DGKB: variants seen among roughly 807,000 people sequenced by gnomAD.
DGKB encodes the protein 90 kDa diacylglycerol kinase.
DGKB carries 67 observed loss-of-function variants against 114.3 expected under a neutral mutation model. That is an observed-to-expected ratio of 0.59 (90% CI 0.48 to 0.72). The LOEUF is 0.72. Ranked by LOEUF, DGKB falls within the 30% of genes least tolerant of loss-of-function variation. The probability of loss-of-function intolerance (pLI) is 0.00; values close to 1 mark genes in which losing one functional copy is unlikely to be tolerated. For synonymous variants in DGKB, 398 were observed against 323.1 expected, an observed-to-expected ratio of 1.23 and a Z score of -2.49; for missense variants, 907 against 975.2, an observed-to-expected ratio of 0.93 and a Z score of 0.93.
At chr7:14,784,350 T>A (rs1407477669) in intron 2 of DGKB, among the ~76,000 whole-genome samples, 1 of 151,218 alleles carries the variant, frequency 6.6e-6, no homozygotes, top group African/African-American at 2.4e-5. Flanking sequence ...ATGTTCACCA[T>A]CCGTCCAAAT....
intron 2 of DGKB, among the ~76,000 whole-genome samples, chr7:14,773,913 G>C (rs1358818559): frequency 7.0e-6 from 1 of 142,698 alleles, no homozygotes; most frequent in Non-Finnish European, 1.5e-5. Flanking sequence ...GTAGTCTCTC[G>C]GCAAAGGGGG....
chr7:14,511,205 C>T (rs1278957412), intron 20 of DGKB, among the ~76,000 whole-genome samples: 1 of 152,204 alleles, frequency 6.6e-6, no homozygotes, highest in African/African-American at 2.4e-5. Flanking sequence ...TCCTAGATAG[C>T]ATCTTCTTCA....
At chr7:14,610,403 A>G (rs1425836416) in intron 16 of DGKB, among the ~76,000 whole-genome samples, 1 of 152,034 alleles carries the variant, frequency 6.6e-6, no homozygotes, top group Non-Finnish European at 1.5e-5. Context: ...GTGGAGGAAG[A>G]TATGAAAAAA....
At chr7:14,801,117 T>G (rs893856080) in intron 2 of DGKB, among the ~76,000 whole-genome samples, 1 of 152,306 alleles carries the variant, frequency 6.6e-6, no homozygotes, top group South Asian at 2.1e-4. Context: ...TTCCCTTTTT[T>G]ATTCCCTTAT....
intron 21 of DGKB, among the ~76,000 whole-genome samples, chr7:14,466,347 AAGAGATCG>A (rs564583065): frequency 2.6e-4 from 39 of 152,304 alleles, no homozygotes; most frequent in African/African-American, 8.7e-4. Context: ...TCACGAGGTC[AAGAGATCG>A]AGACAATCCT....
chr7:14,967,068 G>C (rs769456114), intron 1 of DGKB, among the ~76,000 whole-genome samples: 8 of 152,064 alleles, frequency 5.3e-5, no homozygotes, highest in Non-Finnish European at 8.8e-5. Flanking sequence ...TAGTGAAATG[G>C]TTTATGGTAG....
Position 14,698,121 on chromosome 7 carries a change from C to G in DGKB, c.565G>C (p.Glu189Gln). 3 of 1,545,738 alleles carry G rather than the reference C, an allele frequency of 1.9e-6. No homozygotes were observed. The highest frequency in any genetic ancestry group is 1.7e-6 in the Non-Finnish European group (2 of 1,148,612). Residue 189 changes from glutamate (E) to glutamine (Q), a missense_variant, in exon 8 of 26, where the codon GAG (glutamate) becomes CAG (glutamine). Glu to Gln is a conservative substitution (Grantham distance 29, BLOSUM62 2). Coordinates refer to ENST00000402815, the MANE Select transcript of DGKB (RefSeq NM_001350709.2). ...GGATTAAGTTCAGTGACATCCCACT[C>G]AAGGTATTCTGCAACATGCATCATC... ...SQMMHVAEYL[E>Q]WDVTELNPIL...
At chr7:14,371,980 T>C (rs184660150) in intron 21 of DGKB, among the ~76,000 whole-genome samples, 3 of 152,306 alleles carry the variant, frequency 2.0e-5, no homozygotes, top group Non-Finnish European at 4.4e-5. Context: ...TGACTGACTT[T>C]GTATGCACCT....
chr7:14,321,334 A>G (rs1807759792), intron 23 of DGKB, among the ~76,000 whole-genome samples: 1 of 152,200 alleles, frequency 6.6e-6, no homozygotes, highest in Admixed American at 6.5e-5. Context: ...TCACAGGATA[A>G]AGAATAAAAA....
intron 2 of DGKB, 57 bp downstream of exon 2, chr7:14,841,137 G>T: frequency 1.4e-6 from 2 of 1,408,162 alleles, no homozygotes; most frequent in South Asian, 1.3e-5. Context: ...ATAAATAAAT[G>T]ATACTTTGTC....
chr7:14,855,861 CTT>C (rs1033539692), intron 1 of DGKB, among the ~76,000 whole-genome samples: 5 of 151,926 alleles, frequency 3.3e-5, no homozygotes. Flanking sequence ...TCCTGATTAA[CTT>C]ATCATAAATA....
chr7:14,527,122 G>T (rs1374486564), intron 20 of DGKB, among the ~76,000 whole-genome samples: 1 of 152,034 alleles, frequency 6.6e-6, no homozygotes, highest in African/African-American at 2.4e-5. Context: ...CAACTGCATA[G>T]TTAGTCCAGT....
chr7:14,634,791 C>T (rs987460316), intron 13 of DGKB, among the ~76,000 whole-genome samples: 1 of 151,336 alleles, frequency 6.6e-6, no homozygotes, highest in African/African-American at 2.4e-5. Flanking sequence ...TTTTGGCTTC[C>T]ATGTTTTTTT....
chr7:14,734,623 A>C (rs372544437), intron 5 of DGKB, among the ~76,000 whole-genome samples: 5 of 152,192 alleles, frequency 3.3e-5, no homozygotes, highest in African/African-American at 7.2e-5. Flanking sequence ...AGAGATTTGC[A>C]ATTATGCAAA....
chr7:14,780,019 G>C (rs1184005586), intron 2 of DGKB, among the ~76,000 whole-genome samples: 1 of 151,990 alleles, frequency 6.6e-6, no homozygotes, highest in Non-Finnish European at 1.5e-5. Context: ...TTTTGTTGCT[G>C]GGTGCATGGC....
chr7:14,322,040 A>G (rs2128537903), intron 23 of DGKB, among the ~76,000 whole-genome samples: 1 of 152,344 alleles, frequency 6.6e-6, no homozygotes, highest in South Asian at 2.1e-4. Context: ...ACTGATTAAC[A>G]AAACATTAAT....
At chr7:14,933,614 T>C (rs75634019) in intron 1 of DGKB, among the ~76,000 whole-genome samples, 1 of 152,174 alleles carries the variant, frequency 6.6e-6, no homozygotes, top group Non-Finnish European at 1.5e-5. Context: ...GTCCTCAGAA[T>C]TTAAATGTTT....
intron 17 of DGKB, among the ~76,000 whole-genome samples, chr7:14,606,028 T>C (rs188919299): frequency 5.3e-4 from 80 of 152,270 alleles, no homozygotes; most frequent in Admixed American, 4.1e-3. Flanking sequence ...AGGAAAATCC[T>C]GGATTAACTT....
At chr7:14,780,279 G>A (rs1319898814) in intron 2 of DGKB, among the ~76,000 whole-genome samples, 3 of 152,144 alleles carry the variant, frequency 2.0e-5, no homozygotes, top group African/African-American at 7.2e-5. Context: ...TGTGCAGGAA[G>A]GATATAAATG....
Sources: gnomAD v4.1 joint callset for allele counts (sites outside exome capture counted in the v4.1 genomes callset) on GRCh38, gnomAD v4.1.1 for gene constraint, MANE v1.5 for transcripts, NCBI Gene and HGNC (gene_info 2026-07-23, HGNC 2026-07-21) for gene names.